MAGI2: variants seen among roughly 807,000 people sequenced by gnomAD.
MAGI2 encodes membrane-associated guanylate kinase, WW and PDZ domain-containing protein 2.
In MAGI2, 35 loss-of-function variants were observed where a neutral mutation model predicts 133.3. The ratio of observed to expected loss-of-function variants is 0.26; its 90% confidence interval spans 0.20 to 0.35. The LOEUF (loss-of-function observed/expected upper bound fraction) is 0.35. Among genes scored for constraint, MAGI2 ranks in the 10% least tolerant of loss-of-function variants. The pLI, the probability that MAGI2 is intolerant of heterozygous loss-of-function variation, is 1.00. For synonymous variants in MAGI2, 729 were observed against 710.6 expected, an observed-to-expected ratio of 1.03 and a Z score of -0.41; for missense variants, 1,636 against 1,863.4, an observed-to-expected ratio of 0.88 and a Z score of 2.25.
intron 2 of MAGI2, among the ~76,000 whole-genome samples, chr7:78,835,846 G>C (rs1240515141): frequency 1.3e-5 from 2 of 152,186 alleles, no homozygotes; most frequent in African/African-American, 4.8e-5. Context: ...GAGCCATACA[G>C]AGGAAAGCAT....
chr7:78,781,405 T>C (rs949454586), intron 2 of MAGI2, among the ~76,000 whole-genome samples: 1 of 142,346 alleles, frequency 7.0e-6, no homozygotes, highest in Admixed American at 7.0e-5. Flanking sequence ...AAAAAGAATA[T>C]AGCAGAGGGT....
chr7:78,539,815 T>G (rs1798258389), intron 3 of MAGI2, among the ~76,000 whole-genome samples: 1 of 152,198 alleles, frequency 6.6e-6, no homozygotes, highest in Non-Finnish European at 1.5e-5. Flanking sequence ...TGAAGAGGAC[T>G]GTGAGGGTCC....
chr7:78,478,912 G>GCCGAAGGGCAA (rs1792065254), intron 6 of MAGI2, among the ~76,000 whole-genome samples: 1 of 151,934 alleles, frequency 6.6e-6, no homozygotes, highest in Admixed American at 6.6e-5. Context: ...CAAGGAAAGG[G>GCCGAAGGGCAA]GGAGAGTAAC....
chr7:78,200,972 G>T (rs1829198182), intron 11 of MAGI2, among the ~76,000 whole-genome samples, 190 bp downstream of exon 11: 1 of 152,170 alleles, frequency 6.6e-6, no homozygotes, highest in Admixed American at 6.5e-5. Context: ...GTTTTTATAG[G>T]AAGGTAAGGT....
chr7:78,371,699 G>A (rs1160739046), intron 6 of MAGI2, among the ~76,000 whole-genome samples: 1 of 151,914 alleles, frequency 6.6e-6, no homozygotes, highest in Admixed American at 6.6e-5. Flanking sequence ...TGTCCCACTT[G>A]TTATCATGCA....
chr7:78,592,012 T>C (rs1331922395), intron 3 of MAGI2, among the ~76,000 whole-genome samples: 1 of 152,100 alleles, frequency 6.6e-6, no homozygotes, highest in Non-Finnish European at 1.5e-5. Flanking sequence ...ATTCCTTATA[T>C]TGAGGAGTGA....
chr7:79,068,698 T>C (rs1311439757), intron 1 of MAGI2, among the ~76,000 whole-genome samples: 1 of 152,306 alleles, frequency 6.6e-6, no homozygotes, highest in Non-Finnish European at 1.5e-5. Flanking sequence ...CGATTTTAGA[T>C]CTTTCCTGCT....
chr7:78,955,736 T>TCTTC (rs1491380785), intron 2 of MAGI2, among the ~76,000 whole-genome samples: 707 of 45,722 alleles, frequency 0.015, 8 homozygotes, highest in African/African-American at 0.043. Flanking sequence ...TTTCTTTCTT[T>TCTTC]CTTTCTTTCT....
Position 78,411,718 on chromosome 7 carries a change from A to G in MAGI2, c.1046-42505T>C, listed in dbSNP as rs1016577774. On this transcript the variant is annotated intron_variant, in intron 6 of 21. Coordinates refer to ENST00000354212, the MANE Select transcript of MAGI2 (RefSeq NM_012301.4). ...AGCTGAAATATAAATTAGAACATGG[A>G]TAAGTTTAAGTATCTTTTGGCCCTT... Among the ~76,000 whole-genome samples, 3 of 152,166 alleles carry G rather than the reference A, an allele frequency of 2.0e-5. No individual in the cohort carries two copies. The South Asian group carries it at 6.2e-4, about 32-fold the overall frequency.
intron 2 of MAGI2, among the ~76,000 whole-genome samples, chr7:78,641,461 G>A (rs1038580855): frequency 1.3e-5 from 2 of 152,136 alleles, no homozygotes; most frequent in Non-Finnish European, 2.9e-5. Flanking sequence ...GTGTTCTAAC[G>A]AAGCTATATT....
intron 3 of MAGI2, among the ~76,000 whole-genome samples, chr7:78,542,074 G>T (rs1409764848): frequency 6.6e-6 from 1 of 152,096 alleles, no homozygotes; most frequent in Non-Finnish European, 1.5e-5. Context: ...AAATAAGTGT[G>T]GGTGTACACC....
At chr7:78,668,544 T>C (rs1326688467) in intron 2 of MAGI2, among the ~76,000 whole-genome samples, 2 of 151,632 alleles carry the variant, frequency 1.3e-5, no homozygotes, top group African/African-American at 4.9e-5. Context: ...GTTTAAGTCT[T>C]TAATCCATCT....
At chr7:78,737,560 A>G (rs1821985690) in intron 2 of MAGI2, among the ~76,000 whole-genome samples, 2 of 152,180 alleles carry the variant, frequency 1.3e-5, no homozygotes, top group Admixed American at 1.3e-4. Flanking sequence ...TGTCAGGCAG[A>G]TTTTCTTCAT....
At chr7:79,125,093 T>C (rs1157586191) in intron 1 of MAGI2, 1 of 261,214 alleles carries the variant, frequency 3.8e-6, no homozygotes, top group African/African-American at 2.2e-5. Flanking sequence ...GAACATTACC[T>C]AAGAGACTAT....
At chr7:78,867,416 C>T (rs1367028719) in intron 2 of MAGI2, among the ~76,000 whole-genome samples, 3 of 151,192 alleles carry the variant, frequency 2.0e-5, no homozygotes, top group African/African-American at 7.3e-5. Context: ...TGGAAATCAT[C>T]ATTCTCAGTA....
intron 11 of MAGI2, among the ~76,000 whole-genome samples, chr7:78,195,357 T>A (rs572953273): frequency 1.3e-5 from 2 of 152,342 alleles, no homozygotes; most frequent in Admixed American, 1.3e-4. Context: ...TCTGTTTTTT[T>A]CCCCCTATAA....
chr7:78,715,704 ATTCAT>A (rs1245161290), intron 2 of MAGI2, among the ~76,000 whole-genome samples: 2 of 152,232 alleles, frequency 1.3e-5, no homozygotes, highest in Non-Finnish European at 1.5e-5. Flanking sequence ...CAATGACTTC[ATTCAT>A]TTCATGGTTA....
intron 2 of MAGI2, among the ~76,000 whole-genome samples, chr7:78,931,044 A>C (rs1310636932): frequency 6.6e-6 from 1 of 152,134 alleles, no homozygotes; most frequent in Non-Finnish European, 1.5e-5. Flanking sequence ...GATCATGAAG[A>C]ATTAACGCAG....
At chr7:78,339,263 G>A (rs957146919) in intron 9 of MAGI2, among the ~76,000 whole-genome samples, 7 of 152,120 alleles carry the variant, frequency 4.6e-5, no homozygotes, top group African/African-American at 1.4e-4. Flanking sequence ...AATAGGAGAC[G>A]GTGAATAGAA....
Sources: gnomAD v4.1 joint callset for allele counts (sites outside exome capture counted in the v4.1 genomes callset) on GRCh38, gnomAD v4.1.1 for gene constraint, MANE v1.5 for transcripts, NCBI Gene and HGNC (gene_info 2026-07-23, HGNC 2026-07-21) for gene names.